The following SLCO1B3 variants were observed in gnomAD, a reference collection of about 807,000 sequenced individuals.
SLCO1B3 encodes the protein solute carrier organic anion transporter family member 1B3, also known as liver-specific organic anion transporter 2.
Under a neutral mutation model 71.8 loss-of-function variants are expected in SLCO1B3, and 72 were observed. The ratio of observed to expected loss-of-function variants is 1.00; its 90% CI spans 0.83 to 1.22. The LOEUF is 1.22. SLCO1B3 is among the 50% of genes most tolerant of loss of function. SLCO1B3 has a pLI of 0.00. For synonymous variants in SLCO1B3, 298 were observed against 278.4 expected (o/e 1.07, Z -0.70); for missense variants, 911 against 819.7 (o/e 1.11, Z -1.36).
At position 20,862,544 on chromosome 12, in the gene SLCO1B3, C is replaced by T; in HGVS notation, c.614C>T (p.Ser205Phe). ...YIDDFAKEGHSSLYLGSLNAI... is the reference protein window; with the variant it reads ...YIDDFAKEGHFSLYLGSLNAI... ...GATGATTTTGCAAAAGAAGGACATT[C>T]TTCCTTGTATTTAGGTAACGTACAG... The change falls in exon 7 of 16, where the codon TCT (serine) becomes TTT (phenylalanine). Residue 205 changes from serine to phenylalanine, a missense_variant. Transcript: ENST00000381545. 6.2e-7 allele frequency: 1 copy of T among 1,609,500 alleles called. No homozygotes were observed. The highest frequency in any genetic ancestry group is 1.3e-5 in the African/African-American group (1 of 74,894).
rs1217439951 is a variant in SLCO1B3 at position 20,898,484 on chromosome 12, G to A, written c.1731G>A (p.Met577Ile). Residue 577 changes from methionine to isoleucine, a missense_variant, in exon 14 of 16, where the codon ATG becomes ATA. Transcript: ENST00000381545. ...CACTTGCAATGGGTTTCCAGTCAAT[G>A]GTTATAAGAACACTAGGTATGACAA... ...LKALAMGFQSMVIRTLGGILA... is the reference protein window; with the variant it reads ...LKALAMGFQSIVIRTLGGILA... 2 of 1,576,800 alleles carry A rather than the reference G, an allele frequency of 1.3e-6. No homozygotes were observed. Among genetic ancestry groups the A allele is most frequent in the Non-Finnish European group, 1.7e-6 (2 of 1,150,276 alleles).
chr12:20,831,182 C>T lies in SLCO1B3; in HGVS notation c.84+15360C>T, dbSNP rs189087571. Reference sequence around the variant, plus strand: ...GACCAGCCTGGCCAGTATGATGAAACCCTGTCTCTACTAAAAATACACAAA... The same window carrying T: ...GACCAGCCTGGCCAGTATGATGAAATCCTGTCTCTACTAAAAATACACAAA... On this transcript the variant is annotated intron_variant, in intron 3 of 15. Coordinates refer to ENST00000381545, the MANE Select transcript of SLCO1B3 (RefSeq NM_019844.4). 9.9e-5 allele frequency among the ~76,000 whole-genome samples: 15 copies of T among 152,046 alleles called. No individual in the cohort carries two copies. In the East Asian group the frequency reaches 2.9e-3, roughly 30 times the overall value.
chr12:20,904,661 A>C (rs982092773), intron 15 of SLCO1B3, among the ~76,000 whole-genome samples: 2 of 149,206 alleles, frequency 1.3e-5, no homozygotes, highest in African/African-American at 5.0e-5. Flanking sequence ...TCTGTGTGGG[A>C]AGTCCAACCC....
intron 3 of SLCO1B3, among the ~76,000 whole-genome samples, chr12:20,849,934 C>T (rs1347378454): frequency 6.6e-6 from 1 of 151,512 alleles, no homozygotes; most frequent in Non-Finnish European, 1.5e-5. Flanking sequence ...GAAAAACATC[C>T]AGTGTTTATA....
Position 20,820,779 on chromosome 12 carries a change from C to T in SLCO1B3, c.84+4957C>T, listed in dbSNP as rs983930170. On this transcript the variant is annotated intron_variant, in intron 3 of 15. Coordinates refer to ENST00000381545, the MANE Select transcript of SLCO1B3 (RefSeq NM_019844.4). Reference sequence around the variant, plus strand: ...CTGTAAAGCATCTCAGGGTTGCTGCCGAATGAGCCATGAACTGGGCTGGGT... The same window carrying T: ...CTGTAAAGCATCTCAGGGTTGCTGCTGAATGAGCCATGAACTGGGCTGGGT... 1.5e-4 allele frequency among the ~76,000 whole-genome samples: 20 copies of T among 136,510 alleles called. No individual in the cohort carries two copies. The Admixed American group carries it at 1.5e-3, about 10-fold the overall frequency. The allele number at this position is 136,510 out of a possible 152,430, so 89.6% of individuals were successfully genotyped here.
rs761397886 is a variant in SLCO1B3, at chr12:20,861,067, CAA to C, written c.411_412del (p.Ser138PhefsTer7). ...ATTAATCCATCAGAAAATTCAACAT[CAA>C]GTTTATCAACCTGTTTAATTAATCA... is the stretch of plus-strand genomic sequence containing the variant. On this transcript the variant is annotated frameshift_variant, in exon 6 of 16. Coordinates refer to ENST00000381545, the MANE Select transcript of SLCO1B3 (RefSeq NM_019844.4). LOFTEE classifies it high-confidence loss of function. The C allele has an allele frequency of 1.9e-6, 3 of 1,602,274 alleles. No homozygotes were observed. Among genetic ancestry groups the C allele is most frequent in the South Asian group, 1.1e-5 (1 of 89,398 alleles).
chr12:20,891,409 C>A (rs1865901000), intron 13 of SLCO1B3, among the ~76,000 whole-genome samples: 2 of 151,508 alleles, frequency 1.3e-5, no homozygotes, highest in African/African-American at 4.9e-5. Context: ...TGATAGGATT[C>A]TTTTTACAGG....
At chr12:20,874,054 C>G (rs980060869) in intron 8 of SLCO1B3, among the ~76,000 whole-genome samples, 1 of 152,112 alleles carries the variant, frequency 6.6e-6, no homozygotes, top group African/African-American at 2.4e-5. Flanking sequence ...GTAAATAATG[C>G]TGCAATAAAC....
chr12:20,850,464 A>G (rs1865003443), intron 3 of SLCO1B3, among the ~76,000 whole-genome samples: 1 of 151,528 alleles, frequency 6.6e-6, no homozygotes, highest in Non-Finnish European at 1.5e-5. Flanking sequence ...TTGTATTCTT[A>G]GTAGAGATGA....
intron 3 of SLCO1B3, among the ~76,000 whole-genome samples, chr12:20,842,338 T>C (rs2121176281): frequency 6.6e-6 from 1 of 152,342 alleles, no homozygotes; most frequent in East Asian, 1.9e-4. Flanking sequence ...AAATTTCCTC[T>C]AGTGACAATA....
intron 15 of SLCO1B3, among the ~76,000 whole-genome samples, chr12:20,908,343 G>A (rs1866298849): frequency 6.6e-6 from 1 of 152,120 alleles, no homozygotes; most frequent in Admixed American, 6.6e-5. Flanking sequence ...CCATCAGGAT[G>A]GTACATTTGT....
At chr12:20,915,532 T>A (rs1866474220) in intron 15 of SLCO1B3, among the ~76,000 whole-genome samples, 1 of 152,236 alleles carries the variant, frequency 6.6e-6, no homozygotes, top group Non-Finnish European at 1.5e-5. Context: ...AAATTTTTCT[T>A]GACAGCCAGA....
intron 8 of SLCO1B3, among the ~76,000 whole-genome samples, chr12:20,869,821 C>T (rs1418053193): frequency 6.6e-6 from 1 of 152,100 alleles, no homozygotes; most frequent in Admixed American, 6.6e-5. Context: ...CTGTGAGATC[C>T]TAATTTCGAT....
rs1406658094 is a variant in SLCO1B3, at chr12:20,814,880, G to C, written c.-65-794G>C. The stretch of plus-strand genomic sequence containing the variant: ...CTACTGCCCTCCAGCCCGGGAGACA[G>C]AGCAAGACTCCGTCTCAAAAAAAAA... On this transcript the variant is annotated intron_variant, in intron 2 of 15. Transcript: ENST00000381545. Among the ~76,000 whole-genome samples the C allele has an allele frequency of 4.5e-5, 6 of 132,766 alleles. No individual in the cohort carries two copies. The East Asian group carries it at 1.3e-3, about 29-fold the overall frequency. 87.1% of individuals were successfully genotyped at this position (132,766 alleles called of 152,430 possible).
Position 20,831,124 on chromosome 12 carries a change from C to A in SLCO1B3, c.84+15302C>A, listed in dbSNP as rs112754247. Among the ~76,000 whole-genome samples, 1,043 of 152,018 alleles carry A rather than the reference C, an allele frequency of 6.9e-3. 8 individuals carry two copies. The highest frequency in any genetic ancestry group is 0.023 in the African/African-American group (957 of 41,474). The stretch of plus-strand genomic sequence containing the variant: ...CTGTAATCCCAGCACTTTGGGAGGC[C>A]GAGGCTGGCAGATCACGAGGTTAGG... On this transcript the variant is annotated intron_variant, in intron 3 of 15. Coordinates refer to ENST00000381545, the MANE Select transcript of SLCO1B3 (RefSeq NM_019844.4).
At chr12:20,816,706 A>G (rs1025308917) in intron 3 of SLCO1B3, among the ~76,000 whole-genome samples, 2 of 152,204 alleles carry the variant, frequency 1.3e-5, no homozygotes, top group East Asian at 1.9e-4. Context: ...TCTTTTGGGT[A>G]TATACCCAGC....
chr12:20,846,065 T>C (rs1450364009), intron 3 of SLCO1B3, among the ~76,000 whole-genome samples: 2 of 152,140 alleles, frequency 1.3e-5, no homozygotes, highest in Non-Finnish European at 2.9e-5. Context: ...AAACAGACTT[T>C]AAAGCAACAA....
intron 12 of SLCO1B3, 149 bp downstream of exon 12, chr12:20,881,169 G>A: frequency 1.8e-6 from 1 of 560,770 alleles, no homozygotes; most frequent in South Asian, 3.2e-5. Context: ...CGTGATAGCT[G>A]TGAAGTGTAA....
intron 13 of SLCO1B3, among the ~76,000 whole-genome samples, chr12:20,893,731 A>G (rs1373398359): frequency 6.6e-6 from 1 of 152,140 alleles, no homozygotes; most frequent in Non-Finnish European, 1.5e-5. Flanking sequence ...GAGTAATGGA[A>G]AAAGAGTAAG....
Sources: allele counts gnomAD v4.1 joint callset (sites outside exome capture counted in the v4.1 genomes callset), GRCh38; gene constraint gnomAD v4.1.1; transcripts MANE v1.5; gene names NCBI Gene and HGNC (gene_info 2026-07-23, HGNC 2026-07-21).